Variants in ANKS1B observed in about 807,000 individuals in gnomAD.
The protein encoded by ANKS1B is ankyrin repeat and sterile alpha motif domain-containing protein 1B.
Under a neutral mutation model 148.3 loss-of-function variants are expected in ANKS1B, and 36 were observed. The ratio of observed to expected loss-of-function variants is 0.24; its 90% CI spans 0.19 to 0.32. The LOEUF (loss-of-function observed/expected upper bound fraction) is 0.32. Among genes scored for constraint, ANKS1B ranks in the 10% least tolerant of loss-of-function variants. The pLI is 1.00. For synonymous variants in ANKS1B, 542 were observed against 560.8 expected, an observed-to-expected ratio of 0.97 and a Z score of 0.47; for missense variants, 1,157 against 1,542.6, an observed-to-expected ratio of 0.75 and a Z score of 4.19.
intron 17 of ANKS1B, among the ~76,000 whole-genome samples, chr12:98,902,277 CCT>C (rs1020409660): frequency 4.6e-5 from 7 of 152,168 alleles, no homozygotes; most frequent in Non-Finnish European, 7.3e-5. Context: ...AGAACTGGCC[CCT>C]GAGAGTCAGT....
At chr12:99,185,102 AT>A (rs1486670988) in intron 14 of ANKS1B, among the ~76,000 whole-genome samples, 3 of 152,234 alleles carry the variant, frequency 2.0e-5, no homozygotes, top group Non-Finnish European at 4.4e-5. Context: ...CAAGAGCTGC[AT>A]CAGAACACGA....
chr12:99,941,020 A>G (rs1350781047), intron 1 of ANKS1B, among the ~76,000 whole-genome samples: 1 of 152,168 alleles, frequency 6.6e-6, no homozygotes, highest in Admixed American at 6.5e-5. Flanking sequence ...ATAGATGTCA[A>G]GTTCTGAGAG....
chr12:98,822,550 T>C (rs1054842946), intron 19 of ANKS1B, among the ~76,000 whole-genome samples: 6 of 152,200 alleles, frequency 3.9e-5, no homozygotes, highest in African/African-American at 1.2e-4. Context: ...AAATAGGGTT[T>C]TTATATATTG....
intron 17 of ANKS1B, among the ~76,000 whole-genome samples, chr12:98,897,079 C>T (rs1013008859): frequency 2.0e-5 from 3 of 152,208 alleles, no homozygotes; most frequent in African/African-American, 4.8e-5. Context: ...TGCACTACCT[C>T]TAGAGAATGA....
intron 12 of ANKS1B, among the ~76,000 whole-genome samples, chr12:99,394,860 C>T (rs992044904): frequency 1.3e-5 from 2 of 152,170 alleles, no homozygotes; most frequent in African/African-American, 4.8e-5. Flanking sequence ...CTTGACACAT[C>T]TATTCAGATA....
chr12:99,784,344 T>C (rs1567842988), intron 4 of ANKS1B, among the ~76,000 whole-genome samples: 1 of 151,986 alleles, frequency 6.6e-6, no homozygotes, highest in Non-Finnish European at 1.5e-5. Flanking sequence ...GCTAATTTTT[T>C]TGTATTTTTA....
At chr12:99,741,301 T>C (rs2060089085) in intron 8 of ANKS1B, among the ~76,000 whole-genome samples, 1 of 151,856 alleles carries the variant, frequency 6.6e-6, no homozygotes, top group African/African-American at 2.4e-5. Context: ...CTTTACACTG[T>C]TGATGGGAGT....
intron 12 of ANKS1B, among the ~76,000 whole-genome samples, chr12:99,357,233 G>A (rs928350914): frequency 1.3e-5 from 2 of 151,780 alleles, no homozygotes; most frequent in African/African-American, 4.8e-5. Flanking sequence ...GTTACTATAA[G>A]TTTTTGGAAA....
chr12:99,900,409 G>A (rs1228807840), intron 1 of ANKS1B, among the ~76,000 whole-genome samples: 1 of 150,796 alleles, frequency 6.6e-6, no homozygotes, highest in Non-Finnish European at 1.5e-5. Flanking sequence ...AGGAGGCTGA[G>A]GCAGGAGAAT....
intron 17 of ANKS1B, among the ~76,000 whole-genome samples, chr12:99,046,820 A>G (rs1430188554): frequency 6.6e-6 from 1 of 151,328 alleles, no homozygotes; most frequent in Admixed American, 6.6e-5. Flanking sequence ...AAAAAAAGAA[A>G]AAAAAAAGAA....
intron 9 of ANKS1B, among the ~76,000 whole-genome samples, chr12:99,550,532 G>A (rs2097208206): frequency 6.6e-6 from 1 of 151,818 alleles, no homozygotes; most frequent in African/African-American, 2.4e-5. Context: ...ACTGAGGCAG[G>A]AGAATCGCTT....
intron 10 of ANKS1B, among the ~76,000 whole-genome samples, chr12:99,456,576 A>T (rs2095850601): frequency 6.6e-6 from 1 of 152,152 alleles, no homozygotes; most frequent in Non-Finnish European, 1.5e-5. Flanking sequence ...AGCATAAAAA[A>T]AATCACAACT....
intron 12 of ANKS1B, among the ~76,000 whole-genome samples, chr12:99,334,151 T>TAGATAGAC (rs1555391564): frequency 2.1e-4 from 32 of 150,270 alleles, no homozygotes; most frequent in African/African-American, 5.9e-4. Flanking sequence ...GATAGATAGA[T>TAGATAGAC]AGACAGACAG....
chr12:98,919,811 T>C (rs2099799003), intron 17 of ANKS1B, among the ~76,000 whole-genome samples: 2 of 152,162 alleles, frequency 1.3e-5, no homozygotes, highest in African/African-American at 4.8e-5. Context: ...TCGGCTATAT[T>C]TCCAAAAATA....
chr12:99,017,792 G>T (rs2099943425), intron 17 of ANKS1B, among the ~76,000 whole-genome samples: 1 of 152,158 alleles, frequency 6.6e-6, no homozygotes, highest in Non-Finnish European at 1.5e-5. Flanking sequence ...GGTCTCAGAG[G>T]ATTGATCTGG....
chr12:99,064,357 C>T (rs573413075), intron 16 of ANKS1B, among the ~76,000 whole-genome samples: 2 of 152,264 alleles, frequency 1.3e-5, no homozygotes, highest in Admixed American at 1.3e-4. Context: ...AAGCAATGGA[C>T]AGCAATGAAG....
intron 8 of ANKS1B, among the ~76,000 whole-genome samples, chr12:99,733,581 A>G (rs1485256847): frequency 2.0e-5 from 3 of 152,172 alleles, no homozygotes; most frequent in Non-Finnish European, 2.9e-5. Flanking sequence ...AAGAGAAAAC[A>G]TTTTACATTG....
chr12:99,961,044 A>G (rs1179736588), intron 1 of ANKS1B, among the ~76,000 whole-genome samples: 1 of 152,166 alleles, frequency 6.6e-6, no homozygotes, highest in Non-Finnish European at 1.5e-5. Flanking sequence ...CCCGGCCAAC[A>G]TGGTGAAACT....
intron 1 of ANKS1B, among the ~76,000 whole-genome samples, chr12:99,962,522 T>C (rs919410242): frequency 2.0e-5 from 3 of 152,212 alleles, no homozygotes; most frequent in Non-Finnish European, 4.4e-5. Flanking sequence ...TACGTGTGCA[T>C]GTACCTTTAT....
Sources: allele counts gnomAD v4.1 joint callset (sites outside exome capture counted in the v4.1 genomes callset), GRCh38; gene constraint gnomAD v4.1.1; transcripts MANE v1.5; gene names NCBI Gene and HGNC (gene_info 2026-07-23, HGNC 2026-07-21).